PCSK5: variants seen among roughly 807,000 people sequenced by gnomAD.
PCSK5 encodes proprotein convertase subtilisin/kexin type 5, also known as prohormone convertase 5.
A neutral mutation model predicts 233.2 loss-of-function variants in PCSK5; 129 were observed. The ratio of observed to expected loss-of-function variants is 0.55; its 90% CI spans 0.48 to 0.64. PCSK5 has a LOEUF of 0.64. Ranked by LOEUF, PCSK5 falls within the 30% of genes least tolerant of loss-of-function variation. The pLI, the probability that PCSK5 is intolerant of heterozygous loss-of-function variation, is 0.00. For synonymous variants in PCSK5, 825 were observed against 879.2 expected (o/e 0.94, Z 1.09); for missense variants, 2,076 against 2,430.1 (o/e 0.85, Z 3.06).
intron 22 of PCSK5, 37 bp downstream of exon 22, chr9:76,233,633 A>G (rs1230007092): frequency 1.3e-6 from 2 of 1,589,600 alleles, no homozygotes; most frequent in East Asian, 2.2e-5. Context: ...CTGCACCCCA[A>G]ACCTGTTCCT....
intron 5 of PCSK5, among the ~76,000 whole-genome samples, chr9:76,060,627 T>TA (rs1297007874): frequency 1.3e-5 from 2 of 152,190 alleles, no homozygotes; most frequent in Non-Finnish European, 2.9e-5. Context: ...TTTCTAGGGT[T>TA]AAAAAATCCA....
intron 9 of PCSK5, among the ~76,000 whole-genome samples, chr9:76,122,904 C>T (rs1832702995): frequency 6.8e-6 from 1 of 147,306 alleles, no homozygotes; most frequent in African/African-American, 2.5e-5. Context: ...GATCTTGGCT[C>T]ACTGCAACCT....
intron 29 of PCSK5, among the ~76,000 whole-genome samples, chr9:76,309,685 A>T (rs887353878): frequency 6.6e-6 from 1 of 152,172 alleles, no homozygotes; most frequent in African/African-American, 2.4e-5. Context: ...TCAAAAAAAA[A>T]AAAAAGAATG....
chr9:76,307,510 G>A (rs554525255), intron 28 of PCSK5, among the ~76,000 whole-genome samples: 10 of 152,132 alleles, frequency 6.6e-5, no homozygotes, highest in Non-Finnish European at 1.3e-4. Context: ...TCTTGAAGCT[G>A]TTCTGTCCTT....
intron 24 of PCSK5, among the ~76,000 whole-genome samples, chr9:76,278,431 C>T (rs1449101134): frequency 1.3e-5 from 2 of 151,950 alleles, no homozygotes; most frequent in East Asian, 3.9e-4. Flanking sequence ...AAGTAAAGAG[C>T]TTAGCCAAAT....
chr9:76,057,548 T>G (rs944006076), intron 5 of PCSK5, among the ~76,000 whole-genome samples: 17 of 152,134 alleles, frequency 1.1e-4, no homozygotes, highest in Admixed American at 1.3e-4. Context: ...AAGGTTCAGC[T>G]CAGATAATTT....
At chr9:76,160,742 A>G (rs1307288387) in intron 12 of PCSK5, among the ~76,000 whole-genome samples, 1 of 152,090 alleles carries the variant, frequency 6.6e-6, no homozygotes, top group Non-Finnish European at 1.5e-5. Context: ...TCTGGCTTAT[A>G]GCAACTAGGA....
chr9:76,216,695 T>C (rs1012484547), intron 20 of PCSK5, among the ~76,000 whole-genome samples: 2 of 152,198 alleles, frequency 1.3e-5, no homozygotes, highest in African/African-American at 4.8e-5. Context: ...TGAATAGAAC[T>C]TTGGTGCCAA....
intron 20 of PCSK5, chr9:76,195,486 A>G (rs957336352): frequency 6.6e-6 from 1 of 152,200 alleles, no homozygotes; most frequent in African/African-American, 2.4e-5. Context: ...ACGTCGCGGA[A>G]ATACTGGTTT....
At chr9:76,157,185 A>G in intron 11 of PCSK5, 23 bp downstream of exon 11, 1 of 1,521,096 alleles carries the variant, frequency 6.6e-7, no homozygotes, top group Middle Eastern at 2.1e-4. Flanking sequence ...GCCGGCAAAC[A>G]GCATGACAAT....
At chr9:76,323,731 G>T (rs1468468647) in intron 32 of PCSK5, among the ~76,000 whole-genome samples, 1 of 152,148 alleles carries the variant, frequency 6.6e-6, no homozygotes, top group Non-Finnish European at 1.5e-5. Flanking sequence ...CTTTGTACAG[G>T]TAACTTTTAT....
At chr9:76,246,341 CAAAAAAAAAAAAAAAA>C (rs59806704) in intron 24 of PCSK5, among the ~76,000 whole-genome samples, 1 of 52,622 alleles carries the variant, frequency 1.9e-5, no homozygotes, top group Non-Finnish European at 4.0e-5. Flanking sequence ...GATTCCATCT[CAAAAAAAAAAAAAAAA>C]AAAAAAAAAA....
At chr9:76,017,011 G>T (rs1428651911) in intron 3 of PCSK5, among the ~76,000 whole-genome samples, 1 of 151,480 alleles carries the variant, frequency 6.6e-6, no homozygotes, top group Non-Finnish European at 1.5e-5. Flanking sequence ...TTCTAACTGA[G>T]AAATGATCTT....
chr9:75,903,254 A>G (rs144026822), intron 1 of PCSK5, among the ~76,000 whole-genome samples: 5 of 152,272 alleles, frequency 3.3e-5, no homozygotes, highest in Non-Finnish European at 4.4e-5. Flanking sequence ...AGATTGCTCT[A>G]TCACATATAA....
intron 20 of PCSK5, among the ~76,000 whole-genome samples, chr9:76,219,294 G>A (rs570249148): frequency 6.6e-6 from 1 of 152,294 alleles, no homozygotes; most frequent in African/African-American, 2.4e-5. Flanking sequence ...AGGGTAATTT[G>A]AGGATGTTCC....
At chr9:76,127,034 T>C (rs1822534362) in intron 9 of PCSK5, among the ~76,000 whole-genome samples, 1 of 152,184 alleles carries the variant, frequency 6.6e-6, no homozygotes, top group Non-Finnish European at 1.5e-5. Flanking sequence ...AACTGATCAT[T>C]GAAAAGCTTC....
chr9:76,126,231 A>G (rs1416154114), intron 9 of PCSK5, among the ~76,000 whole-genome samples: 1 of 150,924 alleles, frequency 6.6e-6, no homozygotes, highest in Non-Finnish European at 1.5e-5. Context: ...TTTTGTTCCT[A>G]TCGATGATGT....
intron 20 of PCSK5, among the ~76,000 whole-genome samples, chr9:76,198,613 G>C (rs901224603): frequency 6.6e-6 from 1 of 152,126 alleles, no homozygotes; most frequent in Non-Finnish European, 1.5e-5. Context: ...GCAAGGCAAG[G>C]GGGTAAGAGC....
intron 14 of PCSK5, among the ~76,000 whole-genome samples, chr9:76,176,917 T>A (rs1027032762): frequency 1.8e-4 from 28 of 152,232 alleles, no homozygotes; most frequent in African/African-American, 6.3e-4. Flanking sequence ...CTTGTTGCAT[T>A]GGCTAGCACT....
Sources: allele counts gnomAD v4.1 joint callset (sites outside exome capture counted in the v4.1 genomes callset), GRCh38; gene constraint gnomAD v4.1.1; transcripts MANE v1.5; gene names NCBI Gene and HGNC (gene_info 2026-07-23, HGNC 2026-07-21).